PIAS2: variants seen among roughly 807,000 people sequenced by gnomAD.
PIAS2 encodes E3 SUMO-protein ligase PIAS2.
A neutral mutation model predicts 69.7 loss-of-function variants in PIAS2; 19 were observed. The ratio of observed to expected loss-of-function variants is 0.27; its 90% CI spans 0.19 to 0.40. The LOEUF is 0.40. Among genes scored for constraint, PIAS2 ranks in the 10% least tolerant of loss-of-function variants. The pLI, the probability that PIAS2 is intolerant of heterozygous loss-of-function variation, is 1.00. For missense variants in PIAS2, 624 were observed against 757.0 expected, an observed-to-expected ratio of 0.82 and a Z score of 2.06; for synonymous variants, 261 against 263.2, an observed-to-expected ratio of 0.99 and a Z score of 0.08.
At chr18:46,857,892 G>A (rs530617469) in intron 3 of PIAS2, among the ~76,000 whole-genome samples, 1 of 152,318 alleles carries the variant, frequency 6.6e-6, no homozygotes, top group African/African-American at 2.4e-5. Context: ...GGGTTGTGAG[G>A]TGATAAAAAT....
chr18:46,818,362 T>G, intron 12 of PIAS2: 3 of 1,533,430 alleles, frequency 2.0e-6, no homozygotes. Context: ...ACAAATTATT[T>G]GTTTTATTTT....
intron 2 of PIAS2, among the ~76,000 whole-genome samples, chr18:46,867,601 A>C (rs1265654891): frequency 2.0e-5 from 3 of 152,252 alleles, no homozygotes; most frequent in African/African-American, 7.2e-5. Flanking sequence ...AGCAAATGAA[A>C]TGAAAAAAGA....
intron 1 of PIAS2, among the ~76,000 whole-genome samples, chr18:46,898,540 C>A (rs1243543465): frequency 6.6e-6 from 1 of 151,838 alleles, no homozygotes; most frequent in Non-Finnish European, 1.5e-5. Context: ...AAATTTAAAC[C>A]AATAATATTA....
Position 46,856,248 on chromosome 18 carries a change from G to A in PIAS2, c.585-633C>T, listed in dbSNP as rs555465626. On this transcript the variant is annotated intron_variant, in intron 3 of 13. Transcript: ENST00000585916. ...GATCTCCTGACCTCGTGATCCGTCC[G>A]CCTTGGCCTCCCAAAGTGTCTCATT... Among the ~76,000 whole-genome samples, 27 of 151,968 alleles carry A rather than the reference G, an allele frequency of 1.8e-4. 4 individuals are homozygous for A. The South Asian group carries it at 3.5e-3, about 20-fold the overall frequency.
chr18:46,820,930 T>C lies in PIAS2; in HGVS notation c.1648+3A>G. 1 of 1,610,150 alleles carries C rather than the reference T, an allele frequency of 6.2e-7. No individual in the cohort carries two copies. Among genetic ancestry groups the C allele is most frequent in the Non-Finnish European group, 8.5e-7 (1 of 1,178,270 alleles). On this transcript the variant is annotated splice_donor_region_variant and intron_variant, in intron 12 of 13. Transcript: ENST00000585916. ...ACAAAAGAAACAAAAACACTCCACA[T>C]ACCTGGCAAATCTGATGACATGCTT...
chr18:46,862,088 T>C (rs1039983302), intron 3 of PIAS2, among the ~76,000 whole-genome samples: 1 of 152,194 alleles, frequency 6.6e-6, no homozygotes, highest in African/African-American at 2.4e-5. Flanking sequence ...TCCCAGCACT[T>C]TGGGAGGCCG....
In PIAS2 at chr18:46,809,688, G is replaced by C. The variant is rs2040879648; in HGVS notation, c.*2745C>G. On this transcript the variant is annotated 3_prime_UTR_variant, in exon 14 of 14. Coordinates refer to ENST00000585916, the MANE Select transcript of PIAS2 (RefSeq NM_004671.5). ...GAGAATCGCTTGAACCCTGTAGGTG[G>C]AGGTTGCGGTGAGCCAAGATCGCAC... 6.6e-6 allele frequency: 1 copy of C among 151,678 alleles called. No individual in the cohort carries two copies. Among genetic ancestry groups the C allele is most frequent in the African/African-American group, 2.4e-5 (1 of 41,154 alleles). 9.4% of individuals were successfully genotyped at this position (151,678 alleles called of 1,614,324 possible). A position where few individuals can be genotyped will look rare whatever the true frequency, so the allele number is the denominator to read the frequency against.
intron 3 of PIAS2, among the ~76,000 whole-genome samples, chr18:46,860,755 T>C (rs562735188): frequency 6.6e-6 from 1 of 152,166 alleles, no homozygotes; most frequent in African/African-American, 2.4e-5. Flanking sequence ...GGAGGGAAGA[T>C]CACTTGAGCA....
intron 1 of PIAS2, among the ~76,000 whole-genome samples, chr18:46,904,621 G>A (rs1360525963): frequency 6.6e-6 from 1 of 151,888 alleles, no homozygotes; most frequent in African/African-American, 2.4e-5. Context: ...CATGGTGGCA[G>A]GCACCTGTAG....
chr18:46,856,706 T>C (rs1568548730), intron 3 of PIAS2, among the ~76,000 whole-genome samples: 1 of 152,140 alleles, frequency 6.6e-6, no homozygotes, highest in African/African-American at 2.4e-5. Flanking sequence ...TGTATACACA[T>C]TACAGTTTTA....
At chr18:46,878,875 A>C (rs2051698868) in intron 2 of PIAS2, among the ~76,000 whole-genome samples, 2 of 152,224 alleles carry the variant, frequency 1.3e-5, no homozygotes, top group African/African-American at 4.8e-5. Flanking sequence ...TCTATAAAAA[A>C]CAAAAACAAA....
At chr18:46,884,570 CA>C in intron 2 of PIAS2, among the ~76,000 whole-genome samples, 1 of 151,670 alleles carries the variant, frequency 6.6e-6, no homozygotes, top group East Asian at 2.0e-4. Context: ...CTCGGCCTCC[CA>C]AAAGTGTTGG....
intron 2 of PIAS2, among the ~76,000 whole-genome samples, chr18:46,889,581 G>C (rs955374227): frequency 2.6e-4 from 40 of 152,094 alleles, no homozygotes; most frequent in African/African-American, 9.2e-4. Context: ...GAAAATAAAA[G>C]TGTTGTTAAG....
intron 1 of PIAS2, among the ~76,000 whole-genome samples, chr18:46,904,516 C>T (rs1484391769): frequency 6.6e-6 from 1 of 151,902 alleles, no homozygotes; most frequent in Non-Finnish European, 1.5e-5. Flanking sequence ...TTTGAGAGGC[C>T]CAGGTGGGCA....
chr18:46,880,183 C>A (rs1285444765), intron 2 of PIAS2, among the ~76,000 whole-genome samples: 1 of 151,644 alleles, frequency 6.6e-6, no homozygotes, highest in Non-Finnish European at 1.5e-5. Flanking sequence ...ATCCCTTGAG[C>A]CCAGGAGTTC....
In PIAS2 at chr18:46,847,574, C is replaced by T. The variant is rs537774248; in HGVS notation, c.727-733G>A. Among the ~76,000 whole-genome samples, 36 of 151,592 alleles carry T rather than the reference C, an allele frequency of 2.4e-4. No homozygotes were observed. The South Asian group carries it at 2.7e-3, about 11-fold the overall frequency. ...TTGGCTCACTGCAAGCTCCGCCTCT[C>T]GGGTTCACGCCAGTCTCCTGTCTCA... On this transcript the variant is annotated intron_variant, in intron 5 of 13. Transcript: ENST00000585916.
At chr18:46,847,480 G>A (rs967063928) in intron 5 of PIAS2, among the ~76,000 whole-genome samples, 3 of 149,548 alleles carry the variant, frequency 2.0e-5, no homozygotes, top group East Asian at 1.9e-4. Flanking sequence ...GTCATCAACC[G>A]TATTTTTTTT....
rs546439269 is a variant in PIAS2 at position 46,804,332 on chromosome 18, C to G, written c.*8101G>C. On this transcript the variant is annotated 3_prime_UTR_variant, in exon 14 of 14. Transcript: ENST00000585916. The stretch of plus-strand genomic sequence containing the variant: ...ACACTTGCTTTTTAGATAGAATGAT[C>G]AAGAAAGGCCTCTGAGAAAGTAGTT... 1 of 152,276 alleles carries G rather than the reference C, an allele frequency of 6.6e-6. No individual in the cohort carries two copies. The highest frequency in any genetic ancestry group is 2.1e-4 in the South Asian group (1 of 4,818). 9.4% of individuals were successfully genotyped at this position (152,276 alleles called of 1,614,324 possible).
intron 2 of PIAS2, among the ~76,000 whole-genome samples, chr18:46,888,790 C>CT: frequency 6.6e-6 from 1 of 152,160 alleles, no homozygotes; most frequent in East Asian, 1.9e-4. Context: ...GGAGCTCAGG[C>CT]TGTAATGCTC....
Sources: allele counts gnomAD v4.1 joint callset (sites outside exome capture counted in the v4.1 genomes callset), GRCh38; gene constraint gnomAD v4.1.1; transcripts MANE v1.5; gene names NCBI Gene and HGNC (gene_info 2026-07-23, HGNC 2026-07-21).